DNAH5: variants seen among roughly 807,000 people sequenced by gnomAD.
The protein encoded by DNAH5 is axonemal beta dynein heavy chain 5.
DNAH5 carries 372 observed loss-of-function variants against 518.2 expected under a neutral mutation model. That is an observed-to-expected ratio of 0.72 (90% CI 0.66 to 0.78). The LOEUF (loss-of-function observed/expected upper bound fraction) is 0.78, where lower values mean the gene tolerates loss of function less well. DNAH5 is among the 30% of genes least tolerant of loss of function. The pLI, the probability that DNAH5 is intolerant of heterozygous loss-of-function variation, is 0.00. For synonymous variants in DNAH5, 2,039 were observed against 2,025.9 expected (o/e 1.01, Z -0.17); for missense variants, 5,523 against 5,687.0 (o/e 0.97, Z 0.93).
intron 42 of DNAH5, among the ~76,000 whole-genome samples, chr5:13,816,002 T>G (rs1196714785): frequency 1.3e-5 from 2 of 152,138 alleles, no homozygotes; most frequent in Non-Finnish European, 2.9e-5. Context: ...TCCAGACTTC[T>G]CAAGGAAGCA....
intron 35 of DNAH5, among the ~76,000 whole-genome samples, chr5:13,835,682 C>T (rs951195691): frequency 2.0e-5 from 3 of 152,254 alleles, no homozygotes. Context: ...AATCAGACAC[C>T]GCCTCCTCCA....
rs758056120 is a variant in DNAH5, at chr5:13,788,857, C to G, written c.8506G>C (p.Val2836Leu). Reference protein sequence around the residue: ...CKRVIADRFTVSSDVTWFDKA... With the variant: ...CKRVIADRFTLSSDVTWFDKA... ...TCAAACCAGGTCACATCACTGGACA[C>G]TGTGAAACGGTCAGCTATAACACGT... Residue 2836 changes from valine to leucine, a missense_variant, in exon 51 of 79, where the codon GTG (valine) becomes CTG (leucine). Val to Leu is a conservative substitution (Grantham distance 32). This residue lies in a region of DNAH5 where 5,121 missense variants were observed against 5,223.3 expected (regional missense o/e 0.98). Coordinates refer to ENST00000265104, the MANE Select transcript of DNAH5 (RefSeq NM_001369.3). The G allele has an allele frequency of 1.9e-6, 3 of 1,614,118 alleles. No homozygotes were observed. The highest frequency in any genetic ancestry group is 2.2e-5 in the South Asian group (2 of 91,080).
chr5:13,692,261 A>G (rs2126334218), intron 78 of DNAH5, 126 bp from the exon 79 acceptor site: 2 of 1,062,772 alleles, frequency 1.9e-6, no homozygotes, highest in Middle Eastern at 2.9e-4. Flanking sequence ...TGAATGAGGG[A>G]CATTCTTTCT....
intron 2 of DNAH5, among the ~76,000 whole-genome samples, chr5:13,929,045 A>G (rs1778160015): frequency 6.6e-6 from 1 of 152,264 alleles, no homozygotes; most frequent in Non-Finnish European, 1.5e-5. Context: ...TTGTATACCC[A>G]TGTTCATAGT....
At chr5:13,920,382 C>A (rs1027857074) in intron 6 of DNAH5, 98 bp downstream of exon 6, 7 of 1,524,792 alleles carry the variant, frequency 4.6e-6, no homozygotes, top group Non-Finnish European at 5.4e-6. Context: ...TACAGTAAAA[C>A]GCTTAACAAA....
rs13180448 is a variant in DNAH5 at position 13,701,590 on chromosome 5, G to A, written c.13339-154C>T. Among the ~76,000 whole-genome samples the A allele has an allele frequency of 0.46, 69,988 of 151,638 alleles. 17,131 individuals carry two copies. The highest frequency in any genetic ancestry group is 0.54 in the Non-Finnish European group (36,987 of 67,936). On this transcript the variant is annotated intron_variant, in intron 76 of 78. Transcript: ENST00000265104. ...TCATGAATTTTCCCTGGATTCTGGC[G>A]TAAGTGTTTCAAATTATTCTTTCTC...
chr5:13,957,617 C>A (rs1327952711), intron 1 of DNAH5, among the ~76,000 whole-genome samples: 1 of 151,570 alleles, frequency 6.6e-6, no homozygotes, highest in Non-Finnish European at 1.5e-5. Context: ...GAAGATGGTA[C>A]ATTGAAGAGG....
chr5:13,734,424 C>T (rs1747053678), intron 68 of DNAH5, among the ~76,000 whole-genome samples: 1 of 152,146 alleles, frequency 6.6e-6, no homozygotes, highest in Admixed American at 6.5e-5. Context: ...GTTTTCCAGC[C>T]TTCCGCTGGG....
Position 13,877,325 on chromosome 5 carries a change from GA to G in DNAH5, c.3263-509del, listed in dbSNP as rs556018750. 2.6e-3 allele frequency among the ~76,000 whole-genome samples: 403 copies of G among 152,200 alleles called. 1 individual carries two copies. Among genetic ancestry groups the G allele is most frequent in the South Asian group, 0.021 (99 of 4,826 alleles). On this transcript the variant is annotated intron_variant, in intron 21 of 78. Coordinates refer to ENST00000265104, the MANE Select transcript of DNAH5 (RefSeq NM_001369.3). ...TTTGACCTGACTCAGAGCTCTCTGA[GA>G]AAAAAAGTCCTATCCTCATGGCATT...
At chr5:13,812,382 T>C (rs1221153775) in intron 43 of DNAH5, among the ~76,000 whole-genome samples, 1 of 152,170 alleles carries the variant, frequency 6.6e-6, no homozygotes, top group Non-Finnish European at 1.5e-5. Context: ...CTCAGTTCAC[T>C]ACAACCTCCA....
rs1280830026 is a variant in DNAH5 at position 13,839,519 on chromosome 5, G to A, written c.5719C>T (p.His1907Tyr). The A allele has an allele frequency of 6.2e-7, 1 of 1,613,370 alleles. No individual in the cohort carries two copies. The highest frequency in any genetic ancestry group is 8.5e-7 in the Non-Finnish European group (1 of 1,179,518). ...RDIFDDLCHM[H>Y]IKSPMDFEWL... is the part of the protein sequence containing the mutation. ...TCAAAGTCCATGGGACTCTTGATAT[G>A]CATATGACACTGAAATTCAAAAGGT... Residue 1907 changes from histidine (H) to tyrosine (Y), a missense_variant, in exon 35 of 79, where the codon CAT becomes TAT. His to Tyr is a moderately conservative substitution (Grantham distance 83). Around this residue, in one of 3 missense-constraint regions of DNAH5, gnomAD observed 5,121 missense variants for 5,223.3 expected, o/e 0.98. Coordinates refer to ENST00000265104, the MANE Select transcript of DNAH5 (RefSeq NM_001369.3).
intron 17 of DNAH5, among the ~76,000 whole-genome samples, chr5:13,886,663 T>C (rs999199913): frequency 5.9e-5 from 9 of 152,338 alleles, no homozygotes; most frequent in Non-Finnish European, 1.2e-4. Flanking sequence ...ACAGAATCAG[T>C]GATTTACCAC....
intron 64 of DNAH5, 71 bp from the exon 65 acceptor site, chr5:13,751,331 T>C: frequency 1.5e-6 from 2 of 1,359,094 alleles, no homozygotes; most frequent in African/African-American, 2.9e-5. Flanking sequence ...TTGTATCAGA[T>C]CAAGTATTGT....
chr5:13,829,875 G>C lies in DNAH5; in HGVS notation c.6249+151C>G, dbSNP rs989110939. The C allele has an allele frequency of 6.5e-6, 7 of 1,072,510 alleles. No individual in the cohort carries two copies. In the Admixed American group the frequency reaches 1.4e-4, roughly 21 times the overall value. 66.4% of individuals were successfully genotyped at this position (1,072,510 alleles called of 1,614,324 possible). The stretch of plus-strand genomic sequence containing the variant: ...AGGCTAAGTCATGAGCTATTCATAT[G>C]ATCTTTGCTTAACACCAAAAGGTTT... On this transcript the variant is annotated intron_variant, in intron 37 of 78. Coordinates refer to ENST00000265104, the MANE Select transcript of DNAH5 (RefSeq NM_001369.3).
chr5:13,987,245 A>G (rs1209798287), intron 1 of DNAH5, among the ~76,000 whole-genome samples: 1 of 152,070 alleles, frequency 6.6e-6, no homozygotes, highest in Admixed American at 6.6e-5. Flanking sequence ...TCCTTGCCTC[A>G]GGCTCTGCTT....
intron 1 of DNAH5, among the ~76,000 whole-genome samples, chr5:13,975,017 C>T (rs1782140861): frequency 6.6e-6 from 1 of 152,170 alleles, no homozygotes; most frequent in African/African-American, 2.4e-5. Context: ...GGAGCAAATA[C>T]CGCGGCAGGC....
intron 41 of DNAH5, among the ~76,000 whole-genome samples, chr5:13,819,385 T>A (rs1761932242): frequency 6.6e-6 from 1 of 152,092 alleles, no homozygotes; most frequent in African/African-American, 2.4e-5. Context: ...CTTCCTCCAA[T>A]AACTGAGGAA....
rs10077457 is a variant in DNAH5 at position 13,714,459 on chromosome 5, G to A, written c.13071C>T (p.Ala4357=). ...TCTCCAGCATATCATCAGCCAGCCG[G>A]GCCACCACCGCCTCCCGGGTCTCAT... ...GGDETREAVV[A]RLADDMLEKL... The change falls in exon 75 of 79, where the codon GCC becomes GCT. Residue 4357 remains alanine, a synonymous_variant. Coordinates refer to ENST00000265104, the MANE Select transcript of DNAH5 (RefSeq NM_001369.3). 3.7e-3 allele frequency: 5,971 copies of A among 1,614,076 alleles called. 192 individuals are homozygous for A. The African/African-American group carries it at 0.069, about 19-fold the overall frequency.
At chr5:13,809,391 G>A (rs1323616579) in intron 45 of DNAH5, among the ~76,000 whole-genome samples, 1 of 152,024 alleles carries the variant, frequency 6.6e-6, no homozygotes, top group African/African-American at 2.4e-5. Flanking sequence ...GGTAAACCTA[G>A]GAAATACTAG....
Sources: allele counts gnomAD v4.1 joint callset (sites outside exome capture counted in the v4.1 genomes callset), GRCh38; gene constraint gnomAD v4.1.1; regional missense constraint gnomAD v4.1.1; transcripts MANE v1.5; gene names NCBI Gene and HGNC (gene_info 2026-07-23, HGNC 2026-07-21).